The following RFTN2 variants were observed in gnomAD, a reference collection of about 807,000 sequenced individuals.
RFTN2 encodes the protein raftlin-2.
RFTN2 carries 34 observed loss-of-function variants against 52.7 expected under a neutral mutation model. The ratio of observed to expected loss-of-function variants is 0.64; its 90% CI spans 0.49 to 0.86. The LOEUF (loss-of-function observed/expected upper bound fraction) is 0.86. Among genes scored for constraint, RFTN2 ranks in the 40% least tolerant of loss-of-function variants. The pLI is 0.00. For missense variants in RFTN2, 536 were observed against 600.1 expected (o/e 0.89, Z 1.12); for synonymous variants, 203 against 217.7 (o/e 0.93, Z 0.59).
At chr2:197,627,191 C>A (rs191529405) in intron 5 of RFTN2, among the ~76,000 whole-genome samples, 2 of 152,210 alleles carry the variant, frequency 1.3e-5, no homozygotes, top group African/African-American at 4.8e-5. Flanking sequence ...TGTGTTTCTC[C>A]GGCCTAGAAT....
In RFTN2 at chr2:197,569,964, A is replaced by T. The variant is rs1574667269; in HGVS notation, c.*2044T>A. 1 of 147,634 alleles carries T rather than the reference A, an allele frequency of 6.8e-6. No homozygotes were observed. 9.1% of individuals were successfully genotyped at this position (147,634 alleles called of 1,614,324 possible). On this transcript the variant is annotated 3_prime_UTR_variant, in exon 9 of 9. Transcript: ENST00000295049. ...AAAAAAAAAAAAAAGTTATTGCTAT[A>T]TTTCTGAGTTTTTTCTTAGTCAAAT...
intron 4 of RFTN2, 79 bp downstream of exon 4, chr2:197,633,639 C>T (rs1332520948): frequency 1.5e-5 from 16 of 1,079,672 alleles, no homozygotes; most frequent in Non-Finnish European, 2.0e-5. Context: ...TACTTTGACT[C>T]ATATTTCTAA....
intron 7 of RFTN2, among the ~76,000 whole-genome samples, chr2:197,614,369 C>T (rs1436953395): frequency 6.6e-6 from 1 of 152,068 alleles, no homozygotes; most frequent in East Asian, 1.9e-4. Context: ...GGCTGCTGGA[C>T]GGTCAAACTC....
At position 197,617,848 on chromosome 2, in the gene RFTN2, A is replaced by T. The variant is rs2088171513; in HGVS notation, c.1002T>A (p.Ser334Arg). Residue 334 changes from serine (S) to arginine (R), a missense_variant, in exon 6 of 9, where the codon AGT (serine) becomes AGA (arginine). By Grantham distance (110) the Ser-to-Arg change is moderately radical. Coordinates refer to ENST00000295049, the MANE Select transcript of RFTN2 (RefSeq NM_144629.3). ...CTACGATGGCATCATTTCCTTTCCT[A>T]CTAGAACCTGGAACTCCAGAACCTT... ...EEEGSGVPGS[S>R]RKGNDAIVVE... 5 of 1,609,208 alleles carry T rather than the reference A, an allele frequency of 3.1e-6. No homozygotes were observed. The highest frequency in any genetic ancestry group is 3.3e-4 in the Middle Eastern group (2 of 6,036).
intron 7 of RFTN2, among the ~76,000 whole-genome samples, chr2:197,608,134 G>C (rs1483451205): frequency 2.0e-5 from 3 of 152,148 alleles, no homozygotes; most frequent in African/African-American, 7.2e-5. Context: ...GCCACATGAA[G>C]ATTGAGATTG....
intron 1 of RFTN2, among the ~76,000 whole-genome samples, chr2:197,658,488 T>C (rs937601724): frequency 6.6e-6 from 1 of 151,920 alleles, no homozygotes; most frequent in African/African-American, 2.4e-5. Context: ...GGTTTCTCCA[T>C]GTTGCCCAGG....
chr2:197,672,112 A>G (rs1028067476), intron 1 of RFTN2, among the ~76,000 whole-genome samples: 1 of 152,226 alleles, frequency 6.6e-6, no homozygotes, highest in Non-Finnish European at 1.5e-5. Context: ...ACAGTGAAAG[A>G]AATCATTACT....
In RFTN2 at chr2:197,631,140, A is replaced by G. The variant is rs375692579; in HGVS notation, c.799T>C (p.Ser267Pro). Residue 267 changes from serine to proline, a missense_variant, in exon 5 of 9, where the codon TCA (serine) becomes CCA (proline). Transcript: ENST00000295049. Reference protein sequence around the residue: ...TSWAYQEGILSMKVTRKGSVI... With the variant: ...TSWAYQEGILPMKVTRKGSVI... The stretch of plus-strand genomic sequence containing the variant: ...GATCCTTTTCTTGTTACTTTCATTG[A>G]CAGGATGCCTTCCTGATAGGCCCAG... The G allele has an allele frequency of 8.7e-6, 14 of 1,613,674 alleles. No homozygotes were observed. Among genetic ancestry groups the G allele is most frequent in the Non-Finnish European group, 1.2e-5 (14 of 1,179,684 alleles).
chr2:197,618,599 A>G (rs1438216586), intron 5 of RFTN2, among the ~76,000 whole-genome samples: 3 of 150,620 alleles, frequency 2.0e-5, no homozygotes, highest in African/African-American at 4.9e-5. Context: ...CTGGAAAGTG[A>G]GGAGTGTCTC....
rs115534130 is a variant in RFTN2, at chr2:197,654,936, G to A, written c.140-8270C>T. On this transcript the variant is annotated intron_variant, in intron 1 of 8. Coordinates refer to ENST00000295049, the MANE Select transcript of RFTN2 (RefSeq NM_144629.3). ...TGCTTGAACTCAGGAGACGGAGGTT[G>A]CAGTGAGCCAAGATGGGGCAACTGC... Among the ~76,000 whole-genome samples, 460 of 152,136 alleles carry A rather than the reference G, an allele frequency of 3.0e-3. 4 individuals are homozygous for A. Among genetic ancestry groups the A allele is most frequent in the African/African-American group, 0.011 (440 of 41,492 alleles).
intron 5 of RFTN2, among the ~76,000 whole-genome samples, chr2:197,622,801 G>C (rs796260426): frequency 6.6e-6 from 1 of 152,144 alleles, no homozygotes. Flanking sequence ...AAAAATCCTA[G>C]GGCCCTTAAG....
intron 7 of RFTN2, among the ~76,000 whole-genome samples, chr2:197,598,516 A>C (rs1008700449): frequency 1.3e-5 from 2 of 152,148 alleles, no homozygotes; most frequent in Non-Finnish European, 2.9e-5. Context: ...AGAAAGCAGG[A>C]ACGCATTGGG....
At position 197,584,671 on chromosome 2, in the gene RFTN2, A is replaced by G. The variant is rs958485034; in HGVS notation, c.1233+11320T>C. 3.9e-5 allele frequency among the ~76,000 whole-genome samples: 6 copies of G among 152,192 alleles called. No homozygotes were observed. The East Asian group carries it at 1.2e-3, about 29-fold the overall frequency. ...TGCCATTGCTTTTGGTGTTTTAGAC[A>G]TGAGGACTGGACAGTACTTCTACCT... On this transcript the variant is annotated intron_variant, in intron 8 of 8. Coordinates refer to ENST00000295049, the MANE Select transcript of RFTN2 (RefSeq NM_144629.3).
intron 5 of RFTN2, among the ~76,000 whole-genome samples, chr2:197,619,838 G>A (rs1023414882): frequency 2.3e-4 from 34 of 147,512 alleles, no homozygotes; most frequent in African/African-American, 7.9e-4. Flanking sequence ...CTCTTGGAAA[G>A]TTTTTCTTTC....
intron 2 of RFTN2, 53 bp downstream of exon 2, chr2:197,646,430 A>G: frequency 1.4e-6 from 2 of 1,448,410 alleles, no homozygotes; most frequent in South Asian, 1.4e-5. Context: ...TTTTTCTTTT[A>G]GACAAAGAGA....
At chr2:197,622,731 T>C (rs1245745945) in intron 5 of RFTN2, among the ~76,000 whole-genome samples, 1 of 152,244 alleles carries the variant, frequency 6.6e-6, no homozygotes, top group Non-Finnish European at 1.5e-5. Flanking sequence ...GCTGACTCTC[T>C]TGTTAGGGAC....
chr2:197,604,928 T>G (rs935642798), intron 7 of RFTN2, among the ~76,000 whole-genome samples: 5 of 151,116 alleles, frequency 3.3e-5, no homozygotes, highest in Non-Finnish European at 7.4e-5. Context: ...GCCCGGCTAA[T>G]TTTTGTATTT....
At chr2:197,624,597 C>CAAAAAA (rs746144794) in intron 5 of RFTN2, among the ~76,000 whole-genome samples, 84 of 57,816 alleles carry the variant, frequency 1.5e-3, no homozygotes, top group East Asian at 3.3e-3. Context: ...GACTCTGTCT[C>CAAAAAA]AAAAAAAAAA....
chr2:197,658,603 C>T (rs2088928029), intron 1 of RFTN2, among the ~76,000 whole-genome samples: 1 of 151,980 alleles, frequency 6.6e-6, no homozygotes, highest in Non-Finnish European at 1.5e-5. Flanking sequence ...ACTTTTTAAA[C>T]AGAGGAAATT....
Sources: allele counts gnomAD v4.1 joint callset (sites outside exome capture counted in the v4.1 genomes callset), GRCh38; gene constraint gnomAD v4.1.1; transcripts MANE v1.5; gene names NCBI Gene and HGNC (gene_info 2026-07-23, HGNC 2026-07-21).